PTK2: variants seen among roughly 807,000 people sequenced by gnomAD.
PTK2 encodes the protein protein tyrosine kinase 2.
A neutral mutation model predicts 150.1 loss-of-function variants in PTK2; 45 were observed. The ratio of observed to expected loss-of-function variants is 0.30; its 90% CI spans 0.24 to 0.38. The LOEUF (loss-of-function observed/expected upper bound fraction) is 0.38, where lower values mean the gene tolerates loss of function less well. Ranked by LOEUF, PTK2 falls within the 10% of genes least tolerant of loss-of-function variation. The pLI is 1.00. For synonymous variants in PTK2, 432 were observed against 449.2 expected, an observed-to-expected ratio of 0.96 and a Z score of 0.48; for missense variants, 919 against 1,307.3, an observed-to-expected ratio of 0.70 and a Z score of 4.58.
At chr8:140,773,000 A>AT (rs1282707495) in intron 14 of PTK2, among the ~76,000 whole-genome samples, 2 of 152,192 alleles carry the variant, frequency 1.3e-5, no homozygotes, top group East Asian at 3.8e-4. Flanking sequence ...AGCTACCTCC[A>AT]TTAAGGAGGT....
chr8:140,982,466 G>A (rs530303956), intron 1 of PTK2, among the ~76,000 whole-genome samples: 26 of 152,184 alleles, frequency 1.7e-4, no homozygotes, highest in African/African-American at 6.0e-4. Flanking sequence ...ACATGGTGGC[G>A]GGTGCCTGTA....
intron 30 of PTK2, among the ~76,000 whole-genome samples, chr8:140,667,260 A>C (rs892042263): frequency 6.6e-6 from 1 of 152,122 alleles, no homozygotes; most frequent in African/African-American, 2.4e-5. Flanking sequence ...TTAAGATGGT[A>C]GTTTATGTTA....
intron 2 of PTK2, among the ~76,000 whole-genome samples, chr8:140,901,289 C>T (rs1345468376): frequency 6.6e-6 from 1 of 152,068 alleles, no homozygotes; most frequent in Admixed American, 6.6e-5. Context: ...ATTAAAGACT[C>T]AACTCTAAGA....
At chr8:140,857,006 C>A (rs957275225) in intron 5 of PTK2, among the ~76,000 whole-genome samples, 13 of 152,184 alleles carry the variant, frequency 8.5e-5, no homozygotes, top group Non-Finnish European at 1.9e-4. Context: ...TCTTTCAACA[C>A]TGCAGTACAT....
intron 26 of PTK2, among the ~76,000 whole-genome samples, chr8:140,690,322 G>A (rs2100022385): frequency 1.3e-5 from 2 of 151,792 alleles, no homozygotes; most frequent in Admixed American, 1.3e-4. Context: ...CTATTCACAG[G>A]CACAATCATA....
At chr8:140,676,605 G>A (rs986525446) in intron 27 of PTK2, among the ~76,000 whole-genome samples, 28 of 52,866 alleles carry the variant, frequency 5.3e-4, no homozygotes, top group Non-Finnish European at 4.4e-4. Context: ...TGCCGCGGTC[G>A]GTGGGGGCGG....
intron 22 of PTK2, among the ~76,000 whole-genome samples, chr8:140,722,975 T>C (rs1008508222): frequency 3.9e-5 from 6 of 152,206 alleles, no homozygotes; most frequent in African/African-American, 1.4e-4. Flanking sequence ...TTTTGTGAAA[T>C]GGGCCACTCT....
At chr8:140,704,168 A>G (rs771577910) in intron 24 of PTK2, among the ~76,000 whole-genome samples, 10 of 152,162 alleles carry the variant, frequency 6.6e-5, no homozygotes, top group Non-Finnish European at 1.3e-4. Flanking sequence ...TTTTCACAAC[A>G]AGGAGGTTTA....
intron 14 of PTK2, among the ~76,000 whole-genome samples, chr8:140,783,234 T>C (rs2100082911): frequency 6.6e-6 from 1 of 152,070 alleles, no homozygotes; most frequent in African/African-American, 2.4e-5. Flanking sequence ...AGGGAGACCA[T>C]GTCTCCAGAA....
intron 1 of PTK2, among the ~76,000 whole-genome samples, chr8:140,979,794 C>G (rs2100190719): frequency 6.6e-6 from 1 of 152,146 alleles, no homozygotes. Flanking sequence ...CTTATACAAG[C>G]TCTCTTGACT....
At chr8:140,682,701 C>T (rs2100017752) in intron 27 of PTK2, among the ~76,000 whole-genome samples, 1 of 149,862 alleles carries the variant, frequency 6.7e-6, no homozygotes, top group Non-Finnish European at 1.5e-5. Context: ...AAAACAGAAT[C>T]AGTACTAAGA....
At chr8:140,724,565 T>C (rs1043205665) in intron 22 of PTK2, among the ~76,000 whole-genome samples, 2 of 152,194 alleles carry the variant, frequency 1.3e-5, no homozygotes, top group East Asian at 1.9e-4. Context: ...GATCATAAAA[T>C]TTGCTTTGGA....
At position 140,683,902 on chromosome 8, in the gene PTK2, T is replaced by C. The variant is rs976603038; in HGVS notation, c.2562+2730A>G. 1.1e-4 allele frequency among the ~76,000 whole-genome samples: 17 copies of C among 152,076 alleles called. 1 individual carries two copies. The highest frequency in any genetic ancestry group is 9.8e-4 in the Admixed American group (15 of 15,260). The stretch of plus-strand genomic sequence containing the variant: ...TGACAAACCCACAGCCAATATCATA[T>C]TGAATGAATGGGCAAAGGCTGGAAG... On this transcript the variant is annotated intron_variant, in intron 27 of 31. Coordinates refer to ENST00000522684, the Ensembl canonical transcript of PTK2.
chr8:140,834,804 C>T (rs1482804043), intron 7 of PTK2, among the ~76,000 whole-genome samples: 1 of 152,198 alleles, frequency 6.6e-6, no homozygotes, highest in African/African-American at 2.4e-5. Flanking sequence ...GTTTAACTGA[C>T]CTCTATCCTT....
chr8:140,896,434 C>G (rs946554446), intron 2 of PTK2, among the ~76,000 whole-genome samples: 7 of 152,158 alleles, frequency 4.6e-5, no homozygotes, highest in Non-Finnish European at 7.4e-5. Flanking sequence ...AATAATGTAT[C>G]ATGACCAAAA....
chr8:140,980,426 T>C (rs969030180), intron 1 of PTK2, among the ~76,000 whole-genome samples: 3 of 151,898 alleles, frequency 2.0e-5, no homozygotes, highest in African/African-American at 7.3e-5. Context: ...ATCGAGACCA[T>C]CCTGGCTAAC....
intron 1 of PTK2, among the ~76,000 whole-genome samples, chr8:140,988,044 CAAA>C (rs71310813): frequency 2.4e-4 from 24 of 101,442 alleles, no homozygotes; most frequent in Non-Finnish European, 1.3e-4. Flanking sequence ...GACCCTGTCT[CAAA>C]AAAAAAAAAA....
At chr8:140,784,420 T>C (rs2100083693) in intron 14 of PTK2, among the ~76,000 whole-genome samples, 1 of 152,126 alleles carries the variant, frequency 6.6e-6, no homozygotes, top group African/African-American at 2.4e-5. Flanking sequence ...GGCTTCGTTA[T>C]TTTAGAAAAG....
intron 1 of PTK2, among the ~76,000 whole-genome samples, chr8:140,934,245 C>G (rs528182728): frequency 1.6e-4 from 24 of 152,066 alleles, no homozygotes; most frequent in Non-Finnish European, 2.9e-5. Context: ...ACAGATTTCC[C>G]CAAATCAGTA....
Sources: gnomAD v4.1 joint callset for allele counts (sites outside exome capture counted in the v4.1 genomes callset) on GRCh38, gnomAD v4.1.1 for gene constraint, MANE v1.5 for transcripts, NCBI Gene and HGNC (gene_info 2026-07-23, HGNC 2026-07-21) for gene names.